DMD: variants seen among roughly 807,000 people sequenced by gnomAD.
DMD encodes mutant dystrophin.
DMD carries 63 observed loss-of-function variants against 330.1 expected under a neutral mutation model. The observed-to-expected ratio is 0.19, with a 90% CI of 0.16 to 0.24. The LOEUF (loss-of-function observed/expected upper bound fraction) is 0.24, where lower values mean the gene tolerates loss of function less well. Ranked by LOEUF, DMD falls within the 10% of genes least tolerant of loss-of-function variation. The probability of loss-of-function intolerance (pLI) is 1.00; values close to 1 mark genes in which losing one functional copy is unlikely to be tolerated. For synonymous variants in DMD, 1,223 were observed against 959.8 expected (o/e 1.27, Z -5.07); for missense variants, 3,344 against 2,684.1 (o/e 1.25, Z -5.43).
intron 44 of DMD, among the ~76,000 whole-genome samples, chrX:31,995,848 A>ACAGAAGGGGC (rs2095581852): frequency 8.9e-6 from 1 of 112,346 alleles, no homozygotes; most frequent in African/African-American, 3.2e-5. Context: ...GGCCACATTC[A>ACAGAAGGGGC]TGGTGAATCT....
At chrX:32,145,432 G>A (rs1722109383) in intron 44 of DMD, among the ~76,000 whole-genome samples, 1 of 112,058 alleles carries the variant, frequency 8.9e-6, no homozygotes, top group Admixed American at 9.5e-5. Context: ...CAGTCCCAAG[G>A]AGTTTGAAAG....
intron 38 of DMD, among the ~76,000 whole-genome samples, chrX:32,347,735 T>G (rs775876009): frequency 9.0e-6 from 1 of 110,585 alleles, no homozygotes; most frequent in Non-Finnish European, 1.9e-5. Context: ...AAAAGGAGGA[T>G]GAAGAGAGAA....
intron 47 of DMD, among the ~76,000 whole-genome samples, chrX:31,904,847 TAC>T (rs1393492793): frequency 8.9e-6 from 1 of 111,825 alleles, no homozygotes; most frequent in Non-Finnish European, 1.9e-5. Flanking sequence ...ACTCTAAAGA[TAC>T]AGTTTTAAGC....
At chrX:31,908,265 C>T (rs1168634487) in intron 47 of DMD, among the ~76,000 whole-genome samples, 14 of 111,892 alleles carry the variant, frequency 1.3e-4, no homozygotes, top group African/African-American at 4.2e-4. Flanking sequence ...CACATGCACA[C>T]GTATGTTTAT....
chrX:32,691,308 C>A (rs1196323902), intron 9 of DMD, among the ~76,000 whole-genome samples: 1 of 100,923 alleles, frequency 9.9e-6, no homozygotes, highest in African/African-American at 4.1e-5. Flanking sequence ...AGAATTCCTA[C>A]AACTCATTGG....
intron 1 of DMD, among the ~76,000 whole-genome samples, chrX:33,205,307 T>G (rs185599523): frequency 1.8e-5 from 2 of 112,691 alleles, no homozygotes; most frequent in Non-Finnish European, 3.7e-5. Flanking sequence ...ACATCGTTCT[T>G]AAGCACCAAC....
intron 48 of DMD, among the ~76,000 whole-genome samples, chrX:31,840,644 T>G (rs2093301113): frequency 9.3e-6 from 1 of 107,782 alleles, no homozygotes; most frequent in African/African-American, 3.4e-5. Flanking sequence ...TGTGCTTACT[T>G]CATGTCTCTG....
chrX:31,479,096 T>C lies in DMD; in HGVS notation c.8555A>G (p.Lys2852Arg), dbSNP rs763269013. Residue 2852 changes from lysine (K) to arginine (R), a missense_variant, in exon 58 of 79, where the codon AAG (lysine) becomes AGG (arginine). Transcript: ENST00000357033. ...QKQNDVHRAF[K>R]RELKTKEPVI... ...AGGTTCTTTAGTTTTCAATTCCCTC[T>C]TGAAGGCCTGTGAAATGAGATGAAA... 6 of 1,209,359 alleles carry C rather than the reference T, an allele frequency of 5.0e-6. No homozygotes were observed. Among genetic ancestry groups the C allele is most frequent in the Admixed American group, 2.2e-5 (1 of 45,712 alleles).
chrX:31,846,688 T>C (rs1314338131), intron 48 of DMD, among the ~76,000 whole-genome samples: 1 of 111,250 alleles, frequency 9.0e-6, no homozygotes, highest in African/African-American at 3.3e-5. Flanking sequence ...AGTCAAAAAT[T>C]TCATCTGTGT....
intron 57 of DMD, among the ~76,000 whole-genome samples, chrX:31,483,785 G>C (rs770598234): frequency 9.8e-5 from 11 of 112,050 alleles, no homozygotes; most frequent in Admixed American, 3.8e-4. Flanking sequence ...GGTTCAAGGA[G>C]GTCAGAGGTT....
intron 30 of DMD, among the ~76,000 whole-genome samples, chrX:32,394,256 A>G (rs960268110): frequency 8.9e-6 from 1 of 112,199 alleles, no homozygotes; most frequent in Non-Finnish European, 1.9e-5. Context: ...AAACAAAAGT[A>G]AGATGTGAAG....
chrX:32,088,264 A>T (rs2096453124), intron 44 of DMD, among the ~76,000 whole-genome samples: 2 of 111,347 alleles, frequency 1.8e-5, no homozygotes, highest in South Asian at 7.5e-4. Flanking sequence ...CCTTCACATG[A>T]ACCCCATGAG....
intron 7 of DMD, among the ~76,000 whole-genome samples, chrX:32,718,702 T>A (rs954831396): frequency 8.9e-6 from 1 of 112,117 alleles, no homozygotes; most frequent in Non-Finnish European, 1.9e-5. Flanking sequence ...AGAACAAAGA[T>A]TAAATATTAC....
chrX:31,640,397 A>G (rs1321927775), intron 54 of DMD, among the ~76,000 whole-genome samples: 2 of 111,987 alleles, frequency 1.8e-5, no homozygotes, highest in African/African-American at 6.5e-5. Context: ...AGTCTGGTAA[A>G]CCTGTTTTGA....
At chrX:32,582,552 G>T (rs1419806770) in intron 13 of DMD, among the ~76,000 whole-genome samples, 1 of 111,919 alleles carries the variant, frequency 8.9e-6, no homozygotes, top group Admixed American at 9.5e-5. Context: ...TGTACAAGTT[G>T]ATCCAGAGAA....
At chrX:32,142,368 A>G (rs1427331610) in intron 44 of DMD, among the ~76,000 whole-genome samples, 1 of 112,264 alleles carries the variant, frequency 8.9e-6, no homozygotes, top group Non-Finnish European at 1.9e-5. Flanking sequence ...TCCTCTGAGA[A>G]AAAGAGAGGT....
chrX:32,703,192 C>G (rs2064292587), intron 7 of DMD, among the ~76,000 whole-genome samples: 1 of 111,394 alleles, frequency 9.0e-6, no homozygotes, highest in Non-Finnish European at 1.9e-5. Flanking sequence ...TCTTAGATTG[C>G]TGGACTTCTG....
intron 57 of DMD, among the ~76,000 whole-genome samples, chrX:31,483,265 C>G (rs1317805132): frequency 9.2e-6 from 1 of 109,281 alleles, no homozygotes; most frequent in Non-Finnish European, 1.9e-5. Context: ...CCAGGATGGT[C>G]TCCATCTCCC....
intron 1 of DMD, among the ~76,000 whole-genome samples, chrX:33,230,124 A>G (rs2052363766): frequency 9.0e-6 from 1 of 110,918 alleles, no homozygotes; most frequent in African/African-American, 3.4e-5. Context: ...CTAAATATAC[A>G]CCATATGTGT....
Sources: allele counts gnomAD v4.1 joint callset (sites outside exome capture counted in the v4.1 genomes callset), GRCh38; gene constraint gnomAD v4.1.1; transcripts MANE v1.5; gene names NCBI Gene and HGNC (gene_info 2026-07-23, HGNC 2026-07-21).